TMEM132C: variants seen among roughly 807,000 people sequenced by gnomAD.
The protein encoded by TMEM132C is protein phosphatase 1, regulatory subunit 152.
In TMEM132C, 29 loss-of-function variants were observed where a neutral mutation model predicts 61.4. That is an observed-to-expected ratio of 0.47 (90% CI 0.35 to 0.64). TMEM132C has a LOEUF of 0.64. Ranked by LOEUF, TMEM132C falls within the 30% of genes least tolerant of loss-of-function variation. The pLI is 0.00. For synonymous variants in TMEM132C, 656 were observed against 633.1 expected (o/e 1.04, Z -0.54); for missense variants, 1,408 against 1,476.9 (o/e 0.95, Z 0.76).
At chr12:128,455,673 G>T (rs910848699) in intron 2 of TMEM132C, among the ~76,000 whole-genome samples, 1 of 152,166 alleles carries the variant, frequency 6.6e-6, no homozygotes, top group Non-Finnish European at 1.5e-5. Context: ...TGTTCTGTGG[G>T]TGATAAGTAA....
At chr12:128,364,951 C>T (rs574817320) in intron 1 of TMEM132C, among the ~76,000 whole-genome samples, 53 of 152,332 alleles carry the variant, frequency 3.5e-4, no homozygotes, top group African/African-American at 1.1e-3. Flanking sequence ...GTAGAGAGTG[C>T]GTCAGCCATC....
At chr12:128,417,629 G>A (rs11830961) in intron 2 of TMEM132C, among the ~76,000 whole-genome samples, 8,412 of 152,184 alleles carry the variant, frequency 0.055, 771 homozygotes, top group African/African-American at 0.19. Flanking sequence ...AGATGTAATT[G>A]TAGTACCTGC....
At chr12:128,626,128 T>TC (rs1491418431) in intron 4 of TMEM132C, among the ~76,000 whole-genome samples, 4 of 121,632 alleles carry the variant, frequency 3.3e-5, no homozygotes, top group African/African-American at 1.3e-4. Flanking sequence ...TCTTTCTTTC[T>TC]TTTTTTTTTT....
chr12:128,559,959 T>C (rs1051957499), intron 3 of TMEM132C, among the ~76,000 whole-genome samples: 2 of 152,006 alleles, frequency 1.3e-5, no homozygotes, highest in Non-Finnish European at 2.9e-5. Context: ...CTTTAAAACA[T>C]AAATCAGGCT....
intron 2 of TMEM132C, among the ~76,000 whole-genome samples, chr12:128,416,448 A>G (rs1007062101): frequency 6.6e-6 from 1 of 152,252 alleles, no homozygotes; most frequent in African/African-American, 2.4e-5. Flanking sequence ...TGTTTAAAAA[A>G]TAAATGGGAT....
chr12:128,344,412 C>T (rs1873084523), intron 1 of TMEM132C, among the ~76,000 whole-genome samples: 1 of 152,162 alleles, frequency 6.6e-6, no homozygotes, highest in Admixed American at 6.5e-5. Flanking sequence ...CCCGCCTCGG[C>T]CTCCCAAAGT....
chr12:128,297,568 G>T (rs1871451854), intron 1 of TMEM132C, among the ~76,000 whole-genome samples: 2 of 152,050 alleles, frequency 1.3e-5, no homozygotes, highest in Admixed American at 6.5e-5. Flanking sequence ...TTTAACCAAG[G>T]CCTGCAAAAG....
chr12:128,683,685 C>T (rs1343276528), intron 5 of TMEM132C, among the ~76,000 whole-genome samples: 1 of 152,168 alleles, frequency 6.6e-6, no homozygotes, highest in Non-Finnish European at 1.5e-5. Flanking sequence ...AAGTGTTGGT[C>T]GCCAGGCGCA....
intron 2 of TMEM132C, among the ~76,000 whole-genome samples, chr12:128,469,686 G>A (rs564394270): frequency 1.3e-5 from 2 of 151,678 alleles, no homozygotes; most frequent in Admixed American, 1.3e-4. Flanking sequence ...GTGCATTTAT[G>A]TGTGTGTATG....
intron 3 of TMEM132C, among the ~76,000 whole-genome samples, chr12:128,545,407 C>G (rs369258132): frequency 6.6e-6 from 1 of 152,176 alleles, no homozygotes; most frequent in African/African-American, 2.4e-5. Flanking sequence ...CTATTGTGAA[C>G]AGTGCTGCAA....
intron 1 of TMEM132C, among the ~76,000 whole-genome samples, chr12:128,293,685 C>T (rs1399421924): frequency 6.6e-6 from 1 of 152,166 alleles, no homozygotes; most frequent in East Asian, 1.9e-4. Context: ...ACTCTCAGGT[C>T]TCTCATTGCC....
At chr12:128,601,587 A>G (rs961054228) in intron 3 of TMEM132C, among the ~76,000 whole-genome samples, 2 of 152,138 alleles carry the variant, frequency 1.3e-5, no homozygotes, top group Non-Finnish European at 2.9e-5. Flanking sequence ...TAAGTGAGCC[A>G]TGGATGGCAG....
At chr12:128,502,908 C>A (rs1015961756) in intron 2 of TMEM132C, among the ~76,000 whole-genome samples, 12 of 152,260 alleles carry the variant, frequency 7.9e-5, no homozygotes, top group African/African-American at 2.9e-4. Context: ...AATGCTCCAT[C>A]TGCTCTGATC....
intron 3 of TMEM132C, among the ~76,000 whole-genome samples, chr12:128,556,357 C>T (rs759571693): frequency 2.0e-5 from 3 of 152,172 alleles, no homozygotes; most frequent in Non-Finnish European, 4.4e-5. Flanking sequence ...GCAGTGAAAG[C>T]TGATGTGTAG....
intron 6 of TMEM132C, among the ~76,000 whole-genome samples, chr12:128,694,563 C>T (rs995624609): frequency 2.6e-5 from 4 of 152,158 alleles, no homozygotes; most frequent in South Asian, 2.1e-4. Context: ...CTGTGACCCC[C>T]GGATTAGCAG....
intron 3 of TMEM132C, among the ~76,000 whole-genome samples, chr12:128,551,866 A>G (rs1388098512): frequency 1.3e-5 from 2 of 152,174 alleles, no homozygotes; most frequent in Non-Finnish European, 2.9e-5. Flanking sequence ...GGCAAGAGGG[A>G]AGAGCGGACC....
At chr12:128,679,959 A>G (rs571000816) in intron 5 of TMEM132C, among the ~76,000 whole-genome samples, 5 of 152,206 alleles carry the variant, frequency 3.3e-5, no homozygotes, top group African/African-American at 7.2e-5. Flanking sequence ...AGAGCTTGGG[A>G]AAGAGCTGTC....
intron 2 of TMEM132C, among the ~76,000 whole-genome samples, chr12:128,425,555 C>A (rs989068834): frequency 1.3e-5 from 2 of 152,236 alleles, no homozygotes; most frequent in African/African-American, 4.8e-5. Context: ...CTCCCTGCGG[C>A]TGCCATAACA....
At chr12:128,434,799 T>A (rs1032887832) in intron 2 of TMEM132C, among the ~76,000 whole-genome samples, 1 of 151,706 alleles carries the variant, frequency 6.6e-6, no homozygotes, top group Non-Finnish European at 1.5e-5. Context: ...TTTTTGGTAT[T>A]TTAGTAGAGA....
Sources: gnomAD v4.1 joint callset for allele counts (sites outside exome capture counted in the v4.1 genomes callset) on GRCh38, gnomAD v4.1.1 for gene constraint, MANE v1.5 for transcripts, NCBI Gene and HGNC (gene_info 2026-07-23, HGNC 2026-07-21) for gene names.